Variants in TTN observed in about 807,000 individuals in gnomAD.
TTN encodes titin, also known as connectin.
In TTN, 1,525 loss-of-function variants were observed where a neutral mutation model predicts 3,223.0. The observed-to-expected ratio is 0.47, with a 90% CI of 0.45 to 0.49. The LOEUF (loss-of-function observed/expected upper bound fraction) is 0.49. Ranked by LOEUF, TTN falls within the 20% of genes least tolerant of loss-of-function variation. The pLI is 0.00. For missense variants in TTN, 40,786 were observed against 43,424.0 expected (o/e 0.94, Z 5.40); for synonymous variants, 14,094 against 15,161.0 (o/e 0.93, Z 5.17).
intron 2 of TTN, among the ~76,000 whole-genome samples, chr2:178,802,844 T>A (rs1364823484): frequency 6.6e-6 from 1 of 152,232 alleles, no homozygotes; most frequent in Non-Finnish European, 1.5e-5. Context: ...ACAGGGACAC[T>A]GTCTTCTTGG....
chr2:178,727,401 G>A (rs1228526562), intron 68 of TTN, 30 bp from the exon 69 acceptor site: 1 of 1,537,344 alleles, frequency 6.5e-7, no homozygotes, highest in South Asian at 1.3e-5. Context: ...GAGAGTATCA[G>A]GGAACAGAAA....
Position 178,719,218 on chromosome 2 carries a change from C to T in TTN, c.24172G>A (p.Val8058Met), listed in dbSNP as rs1309625913. 1 of 1,613,772 alleles carries T rather than the reference C, an allele frequency of 6.2e-7. No homozygotes were observed. Among genetic ancestry groups the T allele is most frequent in the Non-Finnish European group, 8.5e-7 (1 of 1,179,734 alleles). The change falls in exon 83 of 363, where the codon GTG becomes ATG. Residue 8058 changes from valine to methionine, a missense_variant. Physicochemically the swap from Val to Met is conservative, Grantham distance 21. Transcript: ENST00000589042. ...TCGGAACCAGCTACATTGGCAGCCA[C>T]ACACGTGTATATGCCTGTGTCGGAG... ...EPSDTGIYTCVAANVAGSDEC... is the reference protein window; with the variant it reads ...EPSDTGIYTCMAANVAGSDEC...
intron 134 of TTN, 106 bp from the exon 135 acceptor site, chr2:178,683,009 A>T: frequency 8.5e-7 from 1 of 1,173,286 alleles, no homozygotes. Context: ...TGTTTCATGC[A>T]CTGATTATGG....
Position 178,586,733 on chromosome 2 carries a change from G to C in TTN, c.64168C>G (p.Pro21390Ala). The change falls in exon 308 of 363, where the codon CCC becomes GCC. Residue 21390 changes from proline to alanine, a missense_variant. Pro to Ala is a conservative substitution (Grantham distance 27, BLOSUM62 -1). Transcript: ENST00000589042. ...ATTTTAGCACCTCCATCACGTAGGG[G>C]AGGTAACCAGGCTAAGGTGGCACTG... The part of the protein sequence containing the change: ...KNSATLAWLP[P>A]LRDGGAKIDG... The C allele has an allele frequency of 6.2e-7, 1 of 1,613,106 alleles. No individual in the cohort carries two copies.
intron 92 of TTN, among the ~76,000 whole-genome samples, chr2:178,713,578 G>GCTA: frequency 6.6e-6 from 1 of 152,150 alleles, no homozygotes; most frequent in Non-Finnish European, 1.5e-5. Flanking sequence ...TGGTTGACTT[G>GCTA]CTAGGGATTT....
chr2:178,757,206 T>TTGCTTTAAGTACAGTAAGTAATACTG (rs1416502514), intron 45 of TTN, among the ~76,000 whole-genome samples: 1 of 151,934 alleles, frequency 6.6e-6, no homozygotes, highest in African/African-American at 2.4e-5. Context: ...AATACTGTAC[T>TTGCTTTAAGTACAGTAAGTAATACTG]TACTTTAAGT....
At position 178,614,058 on chromosome 2, in the gene TTN, G is replaced by C; in HGVS notation, c.49339C>G (p.Gln16447Glu). The part of the protein sequence containing the change: ...VQASPITAKY[Q>E]FDPPGPPTRL... ...AGCTGATTGAGAAACTTACCAAACT[G>C]ATATTTGGCTGTTATTGGAGAGGCC... Residue 16447 changes from glutamine to glutamate, a missense_variant, in exon 262 of 363, where the codon CAG (glutamine) becomes GAG (glutamate). Gln to Glu is a conservative substitution (Grantham distance 29, BLOSUM62 2). Transcript: ENST00000589042. 6.2e-7 allele frequency: 1 copy of C among 1,611,448 alleles called. No homozygotes were observed. The highest frequency in any genetic ancestry group is 8.5e-7 in the Non-Finnish European group (1 of 1,178,978).
rs1317422659 is a variant in TTN at position 178,735,863 on chromosome 2, A to G, written c.14583T>C (p.Asp4861=). The change falls in exon 50 of 363, where the codon GAT becomes GAC. Residue 4861 remains aspartate (D), a synonymous_variant. Coordinates refer to ENST00000589042, the MANE Select transcript of TTN (RefSeq NM_001267550.2). The part of the protein sequence containing the change: ...ILELSNLTIQ[D]RGVYSCKASN... ...AAGCCTTACAAGAATAAACTCCTCT[A>G]TCTTGAATGGTAAGGTTTGAGAGTT... 1.2e-6 allele frequency: 2 copies of G among 1,613,876 alleles called. No individual in the cohort carries two copies. The highest frequency in any genetic ancestry group is 8.5e-7 in the Non-Finnish European group (1 of 1,179,814).
At chr2:178,759,788 T>C (rs1480532752) in intron 43 of TTN, among the ~76,000 whole-genome samples, 1 of 152,182 alleles carries the variant, frequency 6.6e-6, no homozygotes, top group African/African-American at 2.4e-5. Flanking sequence ...AAGAGGGTGA[T>C]TTATTATGGT....
rs1423594263 is a variant in TTN, at chr2:178,559,988, A to G, written c.86144T>C (p.Leu28715Pro). Residue 28715 changes from leucine (L) to proline (P), a missense_variant, in exon 326 of 363, where the codon CTA becomes CCA. By Grantham distance (98) the Leu-to-Pro change is moderately conservative (BLOSUM62 -3). Coordinates refer to ENST00000589042, the MANE Select transcript of TTN (RefSeq NM_001267550.2). The stretch of plus-strand genomic sequence containing the variant: ...GAAAACATATTCAGCTCCTGTTGTT[A>G]GTCCGCTTATTGTATATTCTGTCCC... ...LRGTEYTISG[L>P]TTGAEYVFRV... 6.2e-7 allele frequency: 1 copy of G among 1,613,794 alleles called. No individual in the cohort carries two copies. The highest frequency in any genetic ancestry group is 1.1e-5 in the South Asian group (1 of 91,084).
Position 178,799,540 on chromosome 2 carries a change from T to C in TTN, c.861A>G (p.Arg287=). 1 of 1,613,996 alleles carries C rather than the reference T, an allele frequency of 6.2e-7. No individual in the cohort carries two copies. The highest frequency in any genetic ancestry group is 2.2e-5 in the East Asian group (1 of 44,860). Residue 287 remains arginine (R), a synonymous_variant, in exon 6 of 363, where the codon AGA becomes AGG. Transcript: ENST00000589042. ...LARQQSPSPI[R]HSPSPVRHVR... is the part of the protein sequence containing the mutation. The stretch of plus-strand genomic sequence containing the variant: ...CGTGTCTGACCGGGGAAGGGGAGTG[T>C]CTTATGGGCGATGGGGACTGCTGCC...
rs775731759 is a variant in TTN, at chr2:178,579,148, C to T, written c.67882G>A (p.Val22628Ile). Residue 22628 changes from valine to isoleucine, a missense_variant, in exon 320 of 363, where the codon GTT (valine) becomes ATT (isoleucine). Val to Ile is a conservative substitution (Grantham distance 29, BLOSUM62 3). Coordinates refer to ENST00000589042, the MANE Select transcript of TTN (RefSeq NM_001267550.2). ...ATAGTTCCTTCCTTGGTGCCAGCAA[C>T]ATTCTTAAGTGTGATTGTGTATTTT... is the stretch of plus-strand genomic sequence containing the variant. The part of the protein sequence containing the change: ...AGKYTITLKN[V>I]AGTKEGTISI... 3.7e-6 allele frequency: 6 copies of T among 1,613,334 alleles called. No individual in the cohort carries two copies. The African/African-American group carries it at 8.0e-5, about 22-fold the overall frequency.
At position 178,717,372 on chromosome 2, in the gene TTN, C is replaced by T. The variant is rs756053311; in HGVS notation, c.25362G>A (p.Val8454=). Reference sequence around the variant, plus strand: ...CAGGCTTTAGATCAAAGAAAGGAGGCACTTCATGCTCTGAAAAGAATGAAG... The same window carrying T: ...CAGGCTTTAGATCAAAGAAAGGAGGTACTTCATGCTCTGAAAAGAATGAAG... The part of the protein sequence containing the change: ...SAKLILSEHE[V]PPFFDLKPVS... The change falls in exon 88 of 363, where the codon GTG becomes GTA. Residue 8454 remains valine (V), a synonymous_variant. Coordinates refer to ENST00000589042, the MANE Select transcript of TTN (RefSeq NM_001267550.2). 2 of 1,607,180 alleles carry T rather than the reference C, an allele frequency of 1.2e-6. No individual in the cohort carries two copies. Among genetic ancestry groups the T allele is most frequent in the Non-Finnish European group, 1.7e-6 (2 of 1,174,970 alleles).
chr2:178,716,495 C>CTAAT (rs1342793685), intron 88 of TTN, among the ~76,000 whole-genome samples: 2 of 152,170 alleles, frequency 1.3e-5, no homozygotes, highest in African/African-American at 4.8e-5. Context: ...ACTAGACTAG[C>CTAAT]AGTCCATTGA....
At chr2:178,778,116 G>T in intron 24 of TTN, 141 bp from the exon 25 acceptor site, 1 of 1,032,008 alleles carries the variant, frequency 9.7e-7, no homozygotes, top group Non-Finnish European at 1.4e-6. Context: ...AACTCATTCA[G>T]ATCTAAAATA....
chr2:178,571,586 C>A lies in TTN; in HGVS notation c.74546G>T (p.Arg24849Leu). 6.2e-7 allele frequency: 1 copy of A among 1,613,136 alleles called. No homozygotes were observed. The highest frequency in any genetic ancestry group is 2.2e-5 in the East Asian group (1 of 44,656). ...SSINNYIVEKRDTSTTTWQIV... is the reference protein window; with the variant it reads ...SSINNYIVEKLDTSTTTWQIV... The stretch of plus-strand genomic sequence containing the variant: ...TTGCCAGGTGGTTGTGGAAGTGTCC[C>A]GTTTCTCAACAATGTAATTATTGAT... The change falls in exon 326 of 363, where the codon CGG becomes CTG. Residue 24849 changes from arginine (R) to leucine (L), a missense_variant. Coordinates refer to ENST00000589042, the MANE Select transcript of TTN (RefSeq NM_001267550.2).
intron 113 of TTN, among the ~76,000 whole-genome samples, chr2:178,696,855 A>AAAT (rs1488350402): frequency 6.6e-6 from 1 of 152,112 alleles, no homozygotes; most frequent in East Asian, 1.9e-4. Flanking sequence ...TACAATAAAA[A>AAAT]AATAAGGAAT....
At chr2:178,752,179 T>C (rs1442105137) in intron 47 of TTN, 8 of 774,370 alleles carry the variant, frequency 1.0e-5, no homozygotes, top group Non-Finnish European at 1.6e-5. Context: ...CTCACCATAT[T>C]TGTTCGAATA....
intron 133 of TTN, among the ~76,000 whole-genome samples, chr2:178,683,594 T>C (rs1055096868): frequency 2.6e-5 from 4 of 152,090 alleles, no homozygotes; most frequent in Non-Finnish European, 5.9e-5. Flanking sequence ...CAGAAACCTA[T>C]GTTACATGAA....
Sources: gnomAD v4.1 joint callset for allele counts (sites outside exome capture counted in the v4.1 genomes callset) on GRCh38, gnomAD v4.1.1 for gene constraint, MANE v1.5 for transcripts, NCBI Gene and HGNC (gene_info 2026-07-23, HGNC 2026-07-21) for gene names.